The following MALRD1 variants were observed in gnomAD, a reference collection of about 807,000 sequenced individuals.
MALRD1 encodes MAM and LDL receptor class A domain containing 1, also known as MAM and LDL-receptor class A domain-containing protein 1.
In MALRD1, 247 loss-of-function variants were observed where a neutral mutation model predicts 242.1. The ratio of observed to expected loss-of-function variants is 1.02; its 90% CI spans 0.92 to 1.13. The LOEUF (loss-of-function observed/expected upper bound fraction) is 1.13. MALRD1 is among the 50% of genes most tolerant of loss of function. The probability of loss-of-function intolerance (pLI) is 0.00; values close to 1 mark genes in which losing one functional copy is unlikely to be tolerated. For synonymous variants in MALRD1, 995 were observed against 866.6 expected (o/e 1.15, Z -2.60); for missense variants, 2,989 against 2,533.1 (o/e 1.18, Z -3.86).
chr10:19,430,018 T>C (rs1046139234), intron 28 of MALRD1, among the ~76,000 whole-genome samples: 1 of 152,062 alleles, frequency 6.6e-6, no homozygotes, highest in Admixed American at 6.5e-5. Context: ...TCTCAGACTA[T>C]TCGAGATTCC....
intron 18 of MALRD1, among the ~76,000 whole-genome samples, chr10:19,229,419 G>C (rs935584095): frequency 6.6e-6 from 1 of 152,006 alleles, no homozygotes; most frequent in East Asian, 1.9e-4. Context: ...GTTCCATTTC[G>C]TTAATTTAGC....
intron 29 of MALRD1, among the ~76,000 whole-genome samples, chr10:19,469,634 A>G (rs944275051): frequency 1.3e-5 from 2 of 152,126 alleles, no homozygotes; most frequent in Admixed American, 1.3e-4. Flanking sequence ...AAGAAACCTC[A>G]TCCACACAGA....
chr10:19,506,448 A>G (rs1833148737), intron 31 of MALRD1, among the ~76,000 whole-genome samples: 1 of 152,208 alleles, frequency 6.6e-6, no homozygotes, highest in South Asian at 2.1e-4. Context: ...TCATGTACTT[A>G]GAATGAAAGC....
intron 20 of MALRD1, among the ~76,000 whole-genome samples, chr10:19,281,212 C>A (rs190225044): frequency 6.1e-5 from 9 of 147,614 alleles, no homozygotes; most frequent in African/African-American, 2.2e-4. Flanking sequence ...TTAACTCAAG[C>A]TAGCCAGGGA....
At chr10:19,401,305 T>C (rs374708642) in intron 28 of MALRD1, among the ~76,000 whole-genome samples, 12 of 152,326 alleles carry the variant, frequency 7.9e-5, no homozygotes, top group African/African-American at 2.9e-4. Flanking sequence ...TTCTGACTTA[T>C]TAACATATTT....
At chr10:19,220,939 G>A (rs969113009) in intron 18 of MALRD1, among the ~76,000 whole-genome samples, 9 of 152,110 alleles carry the variant, frequency 5.9e-5, no homozygotes, top group African/African-American at 2.2e-4. Context: ...TATGATGTAG[G>A]CCTGAGGAAA....
At chr10:19,147,382 T>C (rs1034947086) in intron 11 of MALRD1, among the ~76,000 whole-genome samples, 6 of 152,214 alleles carry the variant, frequency 3.9e-5, no homozygotes, top group Non-Finnish European at 8.8e-5. Flanking sequence ...GCTACAGCCA[T>C]AAATCTAGTT....
At chr10:19,516,014 A>G (rs1427868304) in intron 31 of MALRD1, among the ~76,000 whole-genome samples, 3 of 152,206 alleles carry the variant, frequency 2.0e-5, no homozygotes, top group Non-Finnish European at 4.4e-5. Flanking sequence ...ACGTTAAACA[A>G]CTAGCTATCG....
intron 28 of MALRD1, among the ~76,000 whole-genome samples, chr10:19,395,980 T>C (rs1846558763): frequency 6.6e-6 from 1 of 152,160 alleles, no homozygotes; most frequent in African/African-American, 2.4e-5. Flanking sequence ...CAGGAGTTTT[T>C]GCTTTACAGA....
rs547923230 is a variant in MALRD1 at position 19,389,731 on chromosome 10, C to G, written c.4845+122C>G. The G allele has an allele frequency of 4.6e-6, 5 of 1,082,700 alleles. No individual in the cohort carries two copies. The South Asian group carries it at 6.9e-5, about 15-fold the overall frequency. 67.1% of individuals were successfully genotyped at this position (1,082,700 alleles called of 1,614,324 possible). A position where few individuals can be genotyped will look rare whatever the true frequency, so the allele number is the denominator to read the frequency against. On this transcript the variant is annotated intron_variant, in intron 28 of 39. Coordinates refer to ENST00000454679, the MANE Select transcript of MALRD1 (RefSeq NM_001142308.3). ...CATGGCTTACTGCAGCCTCCAACTC[C>G]TGGACTCAAGCGATCCTCCTGCCTC...
chr10:19,211,785 A>C (rs915812839), intron 18 of MALRD1, among the ~76,000 whole-genome samples: 12 of 150,800 alleles, frequency 8.0e-5, no homozygotes, highest in Non-Finnish European at 4.4e-5. Flanking sequence ...TGATGGATGG[A>C]CATAGTTTCT....
At chr10:19,731,502 G>T (rs1835295633) in intron 39 of MALRD1, among the ~76,000 whole-genome samples, 1 of 151,320 alleles carries the variant, frequency 6.6e-6, no homozygotes, top group East Asian at 1.9e-4. Context: ...TTGTGTGTGT[G>T]TGTGTGTGTG....
At chr10:19,491,918 C>A (rs1381090305) in intron 30 of MALRD1, among the ~76,000 whole-genome samples, 1 of 151,920 alleles carries the variant, frequency 6.6e-6, no homozygotes, top group Non-Finnish European at 1.5e-5. Flanking sequence ...TGTAATTAGG[C>A]ACACTGTGTG....
chr10:19,331,462 G>A lies in MALRD1; in HGVS notation c.3781G>A (p.Glu1261Lys), dbSNP rs1006532391. 7 of 1,550,368 alleles carry A rather than the reference G, an allele frequency of 4.5e-6. No individual in the cohort carries two copies. Among genetic ancestry groups the A allele is most frequent in the Non-Finnish European group, 6.1e-6 (7 of 1,146,866 alleles). ...FQDCSPLLSPERKCTDHEFMC... is the reference protein window; with the variant it reads ...FQDCSPLLSPKRKCTDHEFMC... ...AGATTGCTCCCCTTTGCTTAGCCCA[G>A]AGAGAAAGTGTACTGATCATGAATT... Residue 1261 changes from glutamate to lysine, a missense_variant, in exon 24 of 40, where the codon GAG becomes AAG. Transcript: ENST00000454679.
intron 28 of MALRD1, among the ~76,000 whole-genome samples, chr10:19,398,566 G>A (rs1466292437): frequency 1.3e-5 from 2 of 152,112 alleles, no homozygotes; most frequent in Admixed American, 1.3e-4. Flanking sequence ...GTGATCTGTT[G>A]CCTGTATTCA....
chr10:19,382,341 C>CGTGT (rs373616841), intron 26 of MALRD1, among the ~76,000 whole-genome samples: 2 of 88,306 alleles, frequency 2.3e-5, no homozygotes, highest in African/African-American at 5.1e-5. Context: ...TAGATGGAAG[C>CGTGT]GTGTGTGTGT....
At chr10:19,094,867 A>T (rs1220749649) in intron 4 of MALRD1, among the ~76,000 whole-genome samples, 2 of 152,206 alleles carry the variant, frequency 1.3e-5, no homozygotes, top group Non-Finnish European at 2.9e-5. Context: ...AATAAAACTT[A>T]TGCATGGTCG....
intron 34 of MALRD1, among the ~76,000 whole-genome samples, chr10:19,599,340 A>C (rs187562669): frequency 6.6e-6 from 1 of 152,286 alleles, no homozygotes; most frequent in Non-Finnish European, 1.5e-5. Flanking sequence ...TTCAACGTTT[A>C]AGAACACTTC....
At chr10:19,287,881 C>G (rs553536353) in intron 21 of MALRD1, among the ~76,000 whole-genome samples, 1 of 152,112 alleles carries the variant, frequency 6.6e-6, no homozygotes, top group South Asian at 2.1e-4. Flanking sequence ...GGAGCAGAAT[C>G]TAAGACATAG....
Sources: allele counts gnomAD v4.1 joint callset (sites outside exome capture counted in the v4.1 genomes callset), GRCh38; gene constraint gnomAD v4.1.1; transcripts MANE v1.5; gene names NCBI Gene and HGNC (gene_info 2026-07-23, HGNC 2026-07-21).